Variants in INVS observed in about 807,000 individuals in gnomAD.
INVS encodes inversion of embryo turning homolog.
INVS carries 86 observed loss-of-function variants against 108.8 expected under a neutral mutation model. The observed-to-expected ratio is 0.79, with a 90% CI of 0.66 to 0.95. INVS has a LOEUF of 0.95. Ranked by LOEUF, INVS falls within the 40% of genes least tolerant of loss-of-function variation. The pLI is 0.00. For missense variants in INVS, 1,169 were observed against 1,297.4 expected (o/e 0.90, Z 1.52); for synonymous variants, 455 against 473.5 (o/e 0.96, Z 0.51).
intron 2 of INVS, chr9:100,117,180 G>T: frequency 9.1e-7 from 1 of 1,104,324 alleles, no homozygotes; most frequent in Non-Finnish European, 1.3e-6. Context: ...ATGGCCTTAC[G>T]GATGGTGGTG....
chr9:100,126,546 G>T lies in INVS; in HGVS notation c.270G>T (p.Gln90His). Reference protein sequence around the residue: ...SQRTALHLAAQKGNYRFMKLL... With the variant: ...SQRTALHLAAHKGNYRFMKLL... ...GAACAGCCCTCCATCTTGCAGCCCAGAAGGTGAGAAGTAAAATTTCCTTGA... is the reference window on the plus strand; with the variant it reads ...GAACAGCCCTCCATCTTGCAGCCCATAAGGTGAGAAGTAAAATTTCCTTGA... The change falls in exon 3 of 17, where the codon CAG (glutamine) becomes CAT (histidine). Residue 90 changes from glutamine (Q) to histidine (H), a missense_variant. By Grantham distance (24) the Gln-to-His change is conservative. Coordinates refer to ENST00000262457, the MANE Select transcript of INVS (RefSeq NM_014425.5). 3.1e-6 allele frequency: 5 copies of T among 1,614,140 alleles called. No individual in the cohort carries two copies. Among genetic ancestry groups the T allele is most frequent in the Non-Finnish European group, 4.2e-6 (5 of 1,179,994 alleles).
At chr9:100,238,258 A>C (rs1183803372) in intron 5 of INVS, among the ~76,000 whole-genome samples, 1 of 151,820 alleles carries the variant, frequency 6.6e-6, no homozygotes, top group South Asian at 2.1e-4. Context: ...CTAGGAATCT[A>C]TTTTTCTCAG....
chr9:100,262,177 T>C (rs1411041853), intron 10 of INVS, among the ~76,000 whole-genome samples: 6 of 151,984 alleles, frequency 3.9e-5, no homozygotes, highest in Non-Finnish European at 4.4e-5. Flanking sequence ...GATTGGCCTA[T>C]AATTTTCCTT....
At chr9:100,107,563 G>A (rs1827217839) in intron 2 of INVS, among the ~76,000 whole-genome samples, 1 of 151,970 alleles carries the variant, frequency 6.6e-6, no homozygotes, top group Non-Finnish European at 1.5e-5. Context: ...TTCATCTCAG[G>A]GCTTTTGCCT....
At chr9:100,106,933 G>T (rs140499216) in intron 2 of INVS, among the ~76,000 whole-genome samples, 1 of 146,118 alleles carries the variant, frequency 6.8e-6, no homozygotes, top group African/African-American at 2.7e-5. Context: ...TAAAACTCAC[G>T]GTGCTCAATT....
intron 9 of INVS, 22 bp from the exon 10 acceptor site, chr9:100,252,885 C>T (rs777372491): frequency 1.3e-6 from 2 of 1,527,482 alleles, no homozygotes; most frequent in Non-Finnish European, 1.8e-6. Context: ...TAGACATTCT[C>T]ATTATATTTG....
intron 3 of INVS, among the ~76,000 whole-genome samples, chr9:100,174,748 A>C (rs1453310491): frequency 1.3e-5 from 2 of 152,026 alleles, no homozygotes; most frequent in Non-Finnish European, 2.9e-5. Flanking sequence ...CCCCATCTCT[A>C]CTAAAAATAC....
intron 3 of INVS, among the ~76,000 whole-genome samples, chr9:100,149,780 A>G (rs1445777008): frequency 6.6e-6 from 1 of 152,122 alleles, no homozygotes; most frequent in Non-Finnish European, 1.5e-5. Context: ...TTTTTCTATC[A>G]TGTTTCTAGT....
At chr9:100,102,373 G>A (rs79430681) in intron 1 of INVS, among the ~76,000 whole-genome samples, 7 of 152,084 alleles carry the variant, frequency 4.6e-5, no homozygotes, top group African/African-American at 7.2e-5. Flanking sequence ...TGAGACTACC[G>A]GTCAGAACAA....
rs549241279 is a variant in INVS at position 100,274,616 on chromosome 9, T to C, written c.1784+1540T>C. ...ACCTCCCGGGTTCAAGCGATTCTTA[T>C]GACTCAGCCTCCCAAGTAGCTGAGA... On this transcript the variant is annotated intron_variant, in intron 12 of 16. Coordinates refer to ENST00000262457, the MANE Select transcript of INVS (RefSeq NM_014425.5). Among the ~76,000 whole-genome samples the C allele has an allele frequency of 1.5e-3, 231 of 152,330 alleles. No homozygotes were observed. In the South Asian group the frequency reaches 0.028, roughly 19 times the overall value.
At chr9:100,182,125 TAAAG>T (rs1829907389) in intron 3 of INVS, among the ~76,000 whole-genome samples, 1 of 152,136 alleles carries the variant, frequency 6.6e-6, no homozygotes, top group Non-Finnish European at 1.5e-5. Context: ...CAAGATGGAT[TAAAG>T]ACTTAAACGT....
chr9:100,108,792 GA>G (rs1369757198), intron 2 of INVS, among the ~76,000 whole-genome samples: 1 of 152,114 alleles, frequency 6.6e-6, no homozygotes, highest in African/African-American at 2.4e-5. Context: ...GAATTAAATC[GA>G]ACACTTTCTG....
chr9:100,298,083 G>A lies in INVS; in HGVS notation c.3091+73G>A, dbSNP rs749450760. ...CATTTTCCTTTGTTTCATCCCCAAA[G>A]ACAGAAGACATTAGAACAGATATGG... On this transcript the variant is annotated intron_variant, in intron 16 of 16. Coordinates refer to ENST00000262457, the MANE Select transcript of INVS (RefSeq NM_014425.5). 7 of 1,610,550 alleles carry A rather than the reference G, an allele frequency of 4.3e-6. No individual in the cohort carries two copies. The Admixed American group carries it at 1.2e-4, about 27-fold the overall frequency.
intron 3 of INVS, among the ~76,000 whole-genome samples, chr9:100,183,100 A>T (rs143659841): frequency 7.6e-4 from 116 of 152,258 alleles, no homozygotes; most frequent in African/African-American, 2.5e-3. Flanking sequence ...CAGGGAGGGG[A>T]ACATCACATA....
chr9:100,127,840 G>A (rs556328968), intron 3 of INVS, among the ~76,000 whole-genome samples: 18 of 151,784 alleles, frequency 1.2e-4, no homozygotes, highest in Non-Finnish European at 2.4e-4. Context: ...ACTACTTCTC[G>A]GGTATTTATA....
intron 12 of INVS, among the ~76,000 whole-genome samples, chr9:100,278,215 G>C (rs1032694192): frequency 3.0e-4 from 39 of 129,434 alleles, no homozygotes; most frequent in East Asian, 1.9e-3. Context: ...GGAAGACAGA[G>C]AGAGAGACCC....
intron 2 of INVS, among the ~76,000 whole-genome samples, chr9:100,109,952 C>T (rs1156741040): frequency 6.6e-6 from 1 of 152,248 alleles, no homozygotes; most frequent in African/African-American, 2.4e-5. Context: ...CAAGCCTGAG[C>T]CACTGCGCCC....
chr9:100,243,114 A>T (rs1438526908), intron 7 of INVS, among the ~76,000 whole-genome samples: 3 of 152,172 alleles, frequency 2.0e-5, no homozygotes, highest in Non-Finnish European at 4.4e-5. Context: ...ATAACATTTT[A>T]CTTTACTGTA....
rs558622049 is a variant in INVS, at chr9:100,299,340, T to C, written c.3092-1228T>C. On this transcript the variant is annotated intron_variant, in intron 16 of 16. Transcript: ENST00000262457. The stretch of plus-strand genomic sequence containing the variant: ...AATATTATTGCTCTCACCCTCCAAC[T>C]TGGAGAACCCCCCACCCCCGAGGTT... Among the ~76,000 whole-genome samples the C allele has an allele frequency of 1.8e-3, 267 of 152,094 alleles. 1 individual carries two copies. Among genetic ancestry groups the C allele is most frequent in the Non-Finnish European group, 1.7e-3 (113 of 67,976 alleles).
Sources: allele counts gnomAD v4.1 joint callset (sites outside exome capture counted in the v4.1 genomes callset), GRCh38; gene constraint gnomAD v4.1.1; transcripts MANE v1.5; gene names NCBI Gene and HGNC (gene_info 2026-07-23, HGNC 2026-07-21).